Variants in RBFOX1 observed in about 807,000 individuals in gnomAD.
RBFOX1 encodes RNA binding fox-1 homolog 1, also known as RNA binding protein fox-1 homolog 1.
A neutral mutation model predicts 57.7 loss-of-function variants in RBFOX1; 8 were observed. The ratio of observed to expected loss-of-function variants is 0.14; its 90% confidence interval spans 0.08 to 0.25. The LOEUF is 0.25. Among genes scored for constraint, RBFOX1 ranks in the 10% least tolerant of loss-of-function variants. The pLI is 1.00. For missense variants in RBFOX1, 611 were observed against 548.5 expected (o/e 1.11, Z -1.14); for synonymous variants, 326 against 222.4 (o/e 1.47, Z -4.15).
chr16:6,791,224 A>G (rs1488356432), intron 3 of RBFOX1, among the ~76,000 whole-genome samples: 1 of 152,130 alleles, frequency 6.6e-6, no homozygotes, highest in Non-Finnish European at 1.5e-5. Context: ...GTCTATCTTT[A>G]TAGAGTTGGC....
chr16:6,665,249 T>G (rs1316032605), intron 3 of RBFOX1, among the ~76,000 whole-genome samples: 1 of 152,108 alleles, frequency 6.6e-6, no homozygotes, highest in Non-Finnish European at 1.5e-5. Flanking sequence ...GCGATGTCCC[T>G]CTTGTTTGTC....
intron 4 of RBFOX1, among the ~76,000 whole-genome samples, chr16:5,935,900 C>G (rs1392108436): frequency 6.6e-6 from 1 of 152,104 alleles, no homozygotes; most frequent in African/African-American, 2.4e-5. Context: ...GGTATAATGG[C>G]TACAGAAGTA....
At chr16:6,482,707 G>A (rs555573421) in intron 2 of RBFOX1, among the ~76,000 whole-genome samples, 1 of 152,174 alleles carries the variant, frequency 6.6e-6, no homozygotes, top group African/African-American at 2.4e-5. Context: ...CTGCTTCTCG[G>A]AGATGAAATA....
intron 1 of RBFOX1, among the ~76,000 whole-genome samples, chr16:6,024,467 A>AT (rs2095147217): frequency 1.3e-5 from 2 of 152,124 alleles, no homozygotes; most frequent in Admixed American, 1.3e-4. Flanking sequence ...CCATACATTT[A>AT]TCCAATGAGT....
chr16:6,175,632 G>A (rs1276128657), intron 1 of RBFOX1, among the ~76,000 whole-genome samples: 1 of 152,140 alleles, frequency 6.6e-6, no homozygotes, highest in South Asian at 2.1e-4. Context: ...GATAGTACTA[G>A]AATTTAAAGT....
chr16:5,400,356 G>C (rs1567451750), intron 1 of RBFOX1, among the ~76,000 whole-genome samples: 2 of 151,710 alleles, frequency 1.3e-5, no homozygotes, highest in Non-Finnish European at 2.9e-5. Flanking sequence ...GCCTCCCAAA[G>C]TGCTGGGGTT....
intron 4 of RBFOX1, among the ~76,000 whole-genome samples, chr16:5,967,565 A>G (rs1400200113): frequency 6.6e-6 from 1 of 152,214 alleles, no homozygotes; most frequent in Non-Finnish European, 1.5e-5. Context: ...ATAAAGCAAG[A>G]AAAACACACA....
chr16:6,830,792 G>C (rs1051338939), intron 3 of RBFOX1, among the ~76,000 whole-genome samples: 2 of 152,054 alleles, frequency 1.3e-5, no homozygotes, highest in African/African-American at 4.8e-5. Flanking sequence ...GATGGTAAGG[G>C]GTCGAGAGAG....
intron 3 of RBFOX1, among the ~76,000 whole-genome samples, chr16:6,671,500 G>T (rs548833576): frequency 8.5e-5 from 13 of 152,322 alleles, no homozygotes; most frequent in African/African-American, 2.6e-4. Context: ...AGGGAAGTCT[G>T]TTGGGATGCA....
rs531540952 is a variant in RBFOX1, at chr16:7,643,892, A to C, written c.758-9923A>C. On this transcript the variant is annotated intron_variant, in intron 11 of 15. Transcript: ENST00000550418. ...ACACAGACCCTCTAATGTCTCCCCTATCCCCCAACAAGAAGCATATTGAGA... is the reference window on the plus strand; with the variant it reads ...ACACAGACCCTCTAATGTCTCCCCTCTCCCCCAACAAGAAGCATATTGAGA... Among the ~76,000 whole-genome samples the C allele has an allele frequency of 9.2e-5, 14 of 152,146 alleles. No individual in the cohort carries two copies. In the East Asian group the frequency reaches 2.7e-3, roughly 29 times the overall value.
chr16:5,456,382 C>T (rs1050999831), intron 1 of RBFOX1, among the ~76,000 whole-genome samples: 1 of 152,176 alleles, frequency 6.6e-6, no homozygotes, highest in Non-Finnish European at 1.5e-5. Context: ...TTCCACCTCC[C>T]ATGGGTTACC....
intron 4 of RBFOX1, among the ~76,000 whole-genome samples, chr16:6,007,387 C>T (rs184804150): frequency 2.6e-5 from 4 of 152,254 alleles, no homozygotes; most frequent in South Asian, 4.1e-4. Flanking sequence ...CCTGAAGCCC[C>T]CAAGGAACTG....
At chr16:7,460,245 A>G (rs759519416) in intron 4 of RBFOX1, among the ~76,000 whole-genome samples, 38 of 151,690 alleles carry the variant, frequency 2.5e-4, no homozygotes, top group Non-Finnish European at 5.0e-4. Context: ...CAGAAGAAGA[A>G]CAAAAAATAT....
chr16:6,797,204 C>T (rs763325500), intron 3 of RBFOX1, among the ~76,000 whole-genome samples: 1 of 152,180 alleles, frequency 6.6e-6, no homozygotes, highest in African/African-American at 2.4e-5. Flanking sequence ...CCTATGTTTA[C>T]TAAGGAATCT....
At chr16:7,407,325 A>G (rs1350224981) in intron 4 of RBFOX1, among the ~76,000 whole-genome samples, 2 of 152,058 alleles carry the variant, frequency 1.3e-5, no homozygotes, top group East Asian at 1.9e-4. Flanking sequence ...GATAATGGGA[A>G]TAAAGTAAAG....
At chr16:5,503,639 TC>T (rs2043277832) in intron 2 of RBFOX1, among the ~76,000 whole-genome samples, 2 of 152,246 alleles carry the variant, frequency 1.3e-5, no homozygotes, top group South Asian at 4.2e-4. Flanking sequence ...AGATGAGGTT[TC>T]CCCATGTTGG....
intron 1 of RBFOX1, among the ~76,000 whole-genome samples, chr16:5,466,277 G>T (rs774613577): frequency 6.6e-6 from 1 of 152,188 alleles, no homozygotes; most frequent in Non-Finnish European, 1.5e-5. Flanking sequence ...GTGGGCCCTT[G>T]CCATTTTGAC....
At chr16:7,194,688 G>C (rs925606277) in intron 4 of RBFOX1, among the ~76,000 whole-genome samples, 8 of 152,102 alleles carry the variant, frequency 5.3e-5, no homozygotes, top group Non-Finnish European at 1.2e-4. Context: ...AGCAATTTTA[G>C]AGGTTGAGGT....
At chr16:5,846,106 T>A (rs1038376200) in intron 3 of RBFOX1, among the ~76,000 whole-genome samples, 1 of 151,750 alleles carries the variant, frequency 6.6e-6, no homozygotes, top group African/African-American at 2.4e-5. Context: ...CACTTGAACC[T>A]TGGAGGCGGA....
Sources: gnomAD v4.1 joint callset for allele counts (sites outside exome capture counted in the v4.1 genomes callset) on GRCh38, gnomAD v4.1.1 for gene constraint, MANE v1.5 for transcripts, NCBI Gene and HGNC (gene_info 2026-07-23, HGNC 2026-07-21) for gene names.